Variants in BID observed in about 807,000 individuals in gnomAD.
BID encodes BH3-interacting domain death agonist.
Under a neutral mutation model 17.4 loss-of-function variants are expected in BID, and 19 were observed. That is an observed-to-expected ratio of 1.09 (90% CI 0.76 to 1.60). The LOEUF is 1.60. Among genes scored for constraint, BID ranks in the 40% most tolerant of loss-of-function variants. BID has a pLI of 0.00. For missense variants in BID, 226 were observed against 256.0 expected, an observed-to-expected ratio of 0.88 and a Z score of 0.80; for synonymous variants, 108 against 102.8, an observed-to-expected ratio of 1.05 and a Z score of -0.31.
intron 1 of BID, among the ~76,000 whole-genome samples, chr22:17,771,992 G>C (rs565460406): frequency 4.6e-5 from 7 of 152,356 alleles, no homozygotes; most frequent in Non-Finnish European, 1.0e-4. Flanking sequence ...AATCTGGGCA[G>C]TGTGCCTGAT....
At chr22:17,760,639 A>C (rs916521686) in intron 1 of BID, among the ~76,000 whole-genome samples, 4 of 151,830 alleles carry the variant, frequency 2.6e-5, no homozygotes, top group Non-Finnish European at 4.4e-5. Context: ...AGCCCGTCGC[A>C]CTCTGCAGGA....
chr22:17,742,048 G>A (rs562742787), intron 3 of BID, among the ~76,000 whole-genome samples: 3 of 152,278 alleles, frequency 2.0e-5, no homozygotes, highest in Non-Finnish European at 2.9e-5. Context: ...GCCACCAGCC[G>A]AGTAGCAACA....
Position 17,773,631 on chromosome 22 carries a change from C to T in BID, c.-59+750G>A, listed in dbSNP as rs1487338299. On this transcript the variant is annotated intron_variant, in intron 1 of 5. Coordinates refer to ENST00000622694, the MANE Select transcript of BID (RefSeq NM_001196.4). This position sits in a 1 kb window ranked among gnomAD's most constrained non-coding sequence, Gnocchi z 4.4. ...TTACAGAATCCGCACTGTGCTCCTC[C>T]AGCCGGCCCGGCCCCTCGCTGCCCA... is the stretch of plus-strand genomic sequence containing the variant. 5 of 1,612,584 alleles carry T rather than the reference C, an allele frequency of 3.1e-6. No individual in the cohort carries two copies. In the African/African-American group the frequency reaches 6.7e-5, roughly 21 times the overall value.
chr22:17,749,386 G>A (rs933371318), intron 2 of BID, among the ~76,000 whole-genome samples: 1 of 152,166 alleles, frequency 6.6e-6, no homozygotes, highest in East Asian at 1.9e-4. Flanking sequence ...ATGTTGCCCA[G>A]GTTTGTCTCA....
At chr22:17,750,927 T>C (rs1017231282) in intron 1 of BID, among the ~76,000 whole-genome samples, 6 of 151,852 alleles carry the variant, frequency 4.0e-5, no homozygotes, top group Non-Finnish European at 8.8e-5. Context: ...GCCCAGCTAC[T>C]TGGGGGGCTG....
chr22:17,747,283 C>T (rs1165457862), intron 2 of BID, among the ~76,000 whole-genome samples: 3 of 152,218 alleles, frequency 2.0e-5, no homozygotes, highest in Non-Finnish European at 2.9e-5. Flanking sequence ...AGGGCTTGTG[C>T]TGTGCCAATA....
At chr22:17,750,411 C>T (rs559119407) in intron 1 of BID, among the ~76,000 whole-genome samples, 24 of 152,390 alleles carry the variant, frequency 1.6e-4, no homozygotes, top group African/African-American at 5.3e-4. Context: ...GAATTCAGCC[C>T]TCCCATGCCG....
In BID at chr22:17,756,820, C is replaced by T. The variant is rs3788283; in HGVS notation, c.-58-6646G>A. On this transcript the variant is annotated intron_variant, in intron 1 of 5. Coordinates refer to ENST00000622694, the MANE Select transcript of BID (RefSeq NM_001196.4). Reference sequence around the variant, plus strand: ...CAAACTCCTGACCTTGCGATCCGCCCCCCTCAGCCTCTCAAAGTGCTGGGA... The same window carrying T: ...CAAACTCCTGACCTTGCGATCCGCCTCCCTCAGCCTCTCAAAGTGCTGGGA... Among the ~76,000 whole-genome samples, 46 of 152,074 alleles carry T rather than the reference C, an allele frequency of 3.0e-4. No homozygotes were observed. In the East Asian group the frequency reaches 8.6e-3, roughly 28 times the overall value.
In BID at chr22:17,750,172, G is replaced by T. The variant is rs1211077996; in HGVS notation, c.-56C>A. Reference sequence around the variant, plus strand: ...TCCTGGTTCACAGTGTCCCAGTGGCGACCTGGAAAGGGACACACAGAGTGG... The same window carrying T: ...TCCTGGTTCACAGTGTCCCAGTGGCTACCTGGAAAGGGACACACAGAGTGG... On this transcript the variant is annotated splice_region_variant and 5_prime_UTR_variant, in exon 2 of 6. Coordinates refer to ENST00000622694, the MANE Select transcript of BID (RefSeq NM_001196.4). 1 of 1,612,338 alleles carries T rather than the reference G, an allele frequency of 6.2e-7. No homozygotes were observed. Among genetic ancestry groups the T allele is most frequent in the Non-Finnish European group, 8.5e-7 (1 of 1,179,550 alleles).
chr22:17,751,079 T>C (rs1418854278), intron 1 of BID, among the ~76,000 whole-genome samples: 1 of 151,316 alleles, frequency 6.6e-6, no homozygotes, highest in Non-Finnish European at 1.5e-5. Flanking sequence ...TAAGCTGTCT[T>C]AAAAAGACTG....
intron 1 of BID, among the ~76,000 whole-genome samples, chr22:17,757,436 C>T (rs1207886492): frequency 1.4e-5 from 2 of 145,198 alleles, no homozygotes; most frequent in Admixed American, 7.0e-5. Context: ...ATGCCAGGCG[C>T]AGTCGCTCAT....
At chr22:17,774,008 G>C (rs1361393915) in intron 1 of BID, 4 of 462,188 alleles carry the variant, frequency 8.7e-6, no homozygotes, top group South Asian at 2.3e-5. Context: ...CAGGCCCGCG[G>C]GTTTTCTCCT....
intron 1 of BID, among the ~76,000 whole-genome samples, chr22:17,759,955 A>G (rs769545699): frequency 4.0e-5 from 6 of 151,066 alleles, no homozygotes; most frequent in Non-Finnish European, 7.4e-5. Flanking sequence ...ATCCTGGCTA[A>G]CCCTAAGTCT....
At chr22:17,743,500 A>T (rs547483423) in intron 3 of BID, among the ~76,000 whole-genome samples, 1 of 152,370 alleles carries the variant, frequency 6.6e-6, no homozygotes, top group Non-Finnish European at 1.5e-5. Flanking sequence ...GGAAAATTGG[A>T]TAAAAACACC....
intron 1 of BID, among the ~76,000 whole-genome samples, chr22:17,756,468 T>TC (rs2061589356): frequency 9.3e-6 from 1 of 107,156 alleles, no homozygotes; most frequent in African/African-American, 3.6e-5. Context: ...TCTTTCTTTC[T>TC]TTCTTTCTTT....
At chr22:17,738,287 GAC>G (rs2061434408) in intron 4 of BID, 58 bp from the exon 5 acceptor site, 3 of 1,511,642 alleles carry the variant, frequency 2.0e-6, no homozygotes, top group Non-Finnish European at 2.7e-6. Context: ...TCAAAGGAAA[GAC>G]AGTCCCCAGT....
At chr22:17,744,348 G>A (rs989464852) in intron 2 of BID, among the ~76,000 whole-genome samples, 4 of 152,376 alleles carry the variant, frequency 2.6e-5, no homozygotes, top group South Asian at 2.1e-4. Flanking sequence ...GGAGGCGAGC[G>A]AGTGTCATGC....
chr22:17,756,459 CTTTCTTTCTTTCTTTCT>C (rs1569047775), intron 1 of BID, among the ~76,000 whole-genome samples: 43 of 102,832 alleles, frequency 4.2e-4, no homozygotes, highest in African/African-American at 1.5e-3. Context: ...TTCTTTCTTT[CTTTCTTTCTTTCTTTCT>C]TTTCTTTCTT....
At chr22:17,752,021 C>T (rs1282669470) in intron 1 of BID, among the ~76,000 whole-genome samples, 1 of 152,120 alleles carries the variant, frequency 6.6e-6, no homozygotes, top group African/African-American at 2.4e-5. Flanking sequence ...GTCTGGAATC[C>T]CCGCCCCTCA....
Sources: gnomAD v4.1 joint callset for allele counts (sites outside exome capture counted in the v4.1 genomes callset) on GRCh38, gnomAD v4.1.1 for gene constraint, Gnocchi (gnomAD v3.1) non-coding constraint, MANE v1.5 for transcripts, NCBI Gene and HGNC (gene_info 2026-07-23, HGNC 2026-07-21) for gene names.